Variants in GPHN observed in about 807,000 individuals in gnomAD.
GPHN encodes gephyrin.
Under a neutral mutation model 95.5 loss-of-function variants are expected in GPHN, and 17 were observed. The ratio of observed to expected loss-of-function variants is 0.18; its 90% CI spans 0.12 to 0.27. The LOEUF (loss-of-function observed/expected upper bound fraction) is 0.27. GPHN is among the 10% of genes least tolerant of loss of function. The pLI is 1.00. For synonymous variants in GPHN, 320 were observed against 322.5 expected (o/e 0.99, Z 0.08); for missense variants, 660 against 978.1 (o/e 0.67, Z 4.34).
intron 1 of GPHN, among the ~76,000 whole-genome samples, chr14:66,545,239 G>A (rs1432122342): frequency 1.1e-4 from 16 of 141,652 alleles, no homozygotes; most frequent in East Asian, 2.2e-4. Context: ...CGGACGGGGC[G>A]GCTGGCCGGG....
intron 1 of GPHN, among the ~76,000 whole-genome samples, chr14:66,575,809 G>A (rs960317339): frequency 2.0e-5 from 3 of 152,152 alleles, no homozygotes; most frequent in African/African-American, 7.2e-5. Context: ...TACTGGGGTA[G>A]GCCTGGTGTC....
At chr14:67,586,521 A>T in the GPHN span, 3 of 770,208 alleles carry the variant, frequency 3.9e-6, no homozygotes, top group African/African-American at 1.8e-5. Context: ...ACAGTCCCAC[A>T]GTGCTCCCTC....
At chr14:66,727,183 C>T (rs535025798) in intron 2 of GPHN, among the ~76,000 whole-genome samples, 49 of 152,332 alleles carry the variant, frequency 3.2e-4, no homozygotes, top group African/African-American at 8.4e-4. Context: ...CTTAGTAAGA[C>T]GTGACTTGCT....
chr14:67,585,496 TTCTC>T, the GPHN span: 1 of 1,053,574 alleles, frequency 9.5e-7, no homozygotes, highest in Non-Finnish European at 1.4e-6. Context: ...TGTGCCTTCT[TTCTC>T]AGAAAGTTAT....
chr14:67,135,270 T>C (rs147206696), intron 17 of GPHN, among the ~76,000 whole-genome samples: 246 of 152,296 alleles, frequency 1.6e-3, no homozygotes, highest in Admixed American at 4.0e-3. Flanking sequence ...TAGATTTAGC[T>C]ATATTTTTTA....
At chr14:67,679,981 A>G in the GPHN span, among the ~76,000 whole-genome samples, 1 of 152,210 alleles carries the variant, frequency 6.6e-6, no homozygotes, top group Non-Finnish European at 1.5e-5. Flanking sequence ...CAAACTCTTA[A>G]CACTATGTCA....
Position 67,159,397 on chromosome 14 carries a change from T to C in GPHN, c.1837-18T>C. On this transcript the variant is annotated intron_variant, in intron 18 of 22. Coordinates refer to ENST00000478722, the MANE Select transcript of GPHN (RefSeq NM_020806.5). The stretch of plus-strand genomic sequence containing the variant: ...TTAAAATGTTTGAAAGTAAAGTGAT[T>C]ATTTTTAATGTTTGCAGGACTATCT... 1 of 1,454,216 alleles carries C rather than the reference T, an allele frequency of 6.9e-7. No homozygotes were observed. Among genetic ancestry groups the C allele is most frequent in the Non-Finnish European group, 9.7e-7 (1 of 1,034,036 alleles). The allele number at this position is 1,454,216 out of a possible 1,614,324, so 90.1% of individuals were successfully genotyped here. A position where few individuals can be genotyped will look rare whatever the true frequency, so the allele number is the denominator to read the frequency against.
At chr14:67,182,970 G>A (rs544855733), downstream of GPHN, among the ~76,000 whole-genome samples, 5 of 150,448 alleles carry the variant, frequency 3.3e-5, no homozygotes, top group East Asian at 2.0e-4. Flanking sequence ...ATCAGACTCC[G>A]AAAGTGCTGG....
At chr14:67,450,562 G>A in the GPHN span, among the ~76,000 whole-genome samples, 6 of 152,206 alleles carry the variant, frequency 3.9e-5, no homozygotes, top group South Asian at 4.1e-4. Context: ...CTCTTCTTAC[G>A]TCTTAGTAAA....
the GPHN span, among the ~76,000 whole-genome samples, chr14:67,262,666 C>A: frequency 6.6e-6 from 1 of 152,178 alleles, no homozygotes; most frequent in South Asian, 2.1e-4. Flanking sequence ...TTCAGAAAAT[C>A]TGTTTTGTTG....
At chr14:66,929,524 T>C (rs2066665193) in intron 8 of GPHN, among the ~76,000 whole-genome samples, 1 of 152,150 alleles carries the variant, frequency 6.6e-6, no homozygotes, top group African/African-American at 2.4e-5. Context: ...TTTACAATTG[T>C]CATATCCTCT....
intron 10 of GPHN, among the ~76,000 whole-genome samples, chr14:67,044,988 C>T (rs1478530228): frequency 6.6e-6 from 1 of 152,110 alleles, no homozygotes; most frequent in East Asian, 1.9e-4. Flanking sequence ...CATACAGAAT[C>T]CTGTACAAAA....
chr14:67,568,492 T>C, the GPHN span, among the ~76,000 whole-genome samples: 5 of 152,032 alleles, frequency 3.3e-5, no homozygotes, highest in Non-Finnish European at 5.9e-5. Context: ...TAAAGCATGC[T>C]GGGATTAATA....
chr14:67,690,182 T>G, the GPHN span: 1 of 1,592,108 alleles, frequency 6.3e-7, no homozygotes, highest in African/African-American at 1.3e-5. Context: ...CTCTGACTCA[T>G]GTCTCCACAT....
At chr14:67,464,764 G>A in the GPHN span, among the ~76,000 whole-genome samples, 2 of 152,120 alleles carry the variant, frequency 1.3e-5, no homozygotes, top group Non-Finnish European at 2.9e-5. Context: ...ATTGTATCAC[G>A]ATCTGTTATT....
chr14:67,713,792 A>C, the GPHN span, among the ~76,000 whole-genome samples: 1 of 152,210 alleles, frequency 6.6e-6, no homozygotes, highest in Non-Finnish European at 1.5e-5. Flanking sequence ...GATACGTGAG[A>C]CATCAATCAA....
the GPHN span, among the ~76,000 whole-genome samples, chr14:67,444,201 C>T: frequency 6.6e-6 from 1 of 152,150 alleles, no homozygotes; most frequent in African/African-American, 2.4e-5. Flanking sequence ...AGCTGTGCCC[C>T]GACCACCTTG....
At chr14:66,780,976 T>G (rs2059585086) in intron 3 of GPHN, among the ~76,000 whole-genome samples, 1 of 152,194 alleles carries the variant, frequency 6.6e-6, no homozygotes, top group East Asian at 1.9e-4. Context: ...TTTTTGTTAT[T>G]AAAATAATAT....
intron 18 of GPHN, among the ~76,000 whole-genome samples, chr14:67,150,180 C>T (rs1241411903): frequency 1.3e-5 from 2 of 151,908 alleles, no homozygotes; most frequent in South Asian, 2.1e-4. Context: ...CGGTGGCTCA[C>T]GCCTGTAATC....
Sources: gnomAD v4.1 joint callset for allele counts (sites outside exome capture counted in the v4.1 genomes callset) on GRCh38, gnomAD v4.1.1 for gene constraint, MANE v1.5 for transcripts, NCBI Gene and HGNC (gene_info 2026-07-23, HGNC 2026-07-21) for gene names.